TLN2: variants seen among roughly 807,000 people sequenced by gnomAD.
TLN2 encodes the protein talin-2.
TLN2 carries 118 observed loss-of-function variants against 294.7 expected under a neutral mutation model. The ratio of observed to expected loss-of-function variants is 0.40; its 90% CI spans 0.34 to 0.47. The LOEUF is 0.47. Ranked by LOEUF, TLN2 falls within the 20% of genes least tolerant of loss-of-function variation. TLN2 has a pLI of 0.84. For missense variants in TLN2, 3,083 were observed against 3,282.2 expected (o/e 0.94, Z 1.48); for synonymous variants, 1,431 against 1,304.5 (o/e 1.10, Z -2.09).
intron 30 of TLN2, 121 bp from the exon 31 acceptor site, chr15:62,739,227 T>G: frequency 8.7e-7 from 1 of 1,147,628 alleles, no homozygotes; most frequent in Non-Finnish European, 1.2e-6. Flanking sequence ...ACTCAGAGCC[T>G]TTTAATCGTG....
intron 1 of TLN2, among the ~76,000 whole-genome samples, chr15:62,498,504 G>A (rs1476291495): frequency 2.0e-5 from 3 of 152,166 alleles, no homozygotes; most frequent in African/African-American, 7.2e-5. Context: ...GTAGGCAAAA[G>A]TATCTGGATT....
rs922971327 is a variant in TLN2 at position 62,547,369 on chromosome 15, G to A, written c.-237-42318G>A. The stretch of plus-strand genomic sequence containing the variant: ...GGCTACGTTGACATCTTTGTGGCTC[G>A]TATGTGAACACACACACACATTTTG... On this transcript the variant is annotated intron_variant, in intron 1 of 58. Coordinates refer to ENST00000636159, the MANE Select transcript of TLN2 (RefSeq NM_015059.3). Among the ~76,000 whole-genome samples the A allele has an allele frequency of 6.1e-4, 93 of 152,006 alleles. 1 individual carries two copies. The highest frequency in any genetic ancestry group is 2.9e-4 in the African/African-American group (12 of 41,422).
Position 62,712,271 on chromosome 15 carries a change from G to C in TLN2, c.2634+194G>C, listed in dbSNP as rs112447463. On this transcript the variant is annotated intron_variant, in intron 22 of 58. Transcript: ENST00000636159. ...CATCTGAATGAAATGCTTCAGGGAAGTGGTACTGACTCAGCCATAGTAGCA... is the reference window on the plus strand; with the variant it reads ...CATCTGAATGAAATGCTTCAGGGAACTGGTACTGACTCAGCCATAGTAGCA... Among the ~76,000 whole-genome samples the C allele has an allele frequency of 2.0e-5, 3 of 152,344 alleles. 1 individual carries two copies. The highest frequency in any genetic ancestry group is 7.2e-5 in the African/African-American group (3 of 41,586).
chr15:62,792,844 C>A, intron 46 of TLN2, 57 bp downstream of exon 46: 2 of 1,596,146 alleles, frequency 1.3e-6, no homozygotes, highest in Non-Finnish European at 1.7e-6. Context: ...CTCAGTGATC[C>A]GCTGTAATCA....
chr15:62,809,587 T>C (rs1416789049), intron 51 of TLN2, among the ~76,000 whole-genome samples: 1 of 152,230 alleles, frequency 6.6e-6, no homozygotes, highest in Non-Finnish European at 1.5e-5. Flanking sequence ...CTGTAAGCGC[T>C]GATCATGAAT....
intron 34 of TLN2, among the ~76,000 whole-genome samples, chr15:62,751,367 G>T (rs1254491235): frequency 6.6e-6 from 1 of 152,186 alleles, no homozygotes; most frequent in African/African-American, 2.4e-5. Flanking sequence ...GCTAAAACTA[G>T]AATTTCCTCA....
chr15:62,517,124 G>A (rs900538191), intron 1 of TLN2, among the ~76,000 whole-genome samples: 1 of 152,186 alleles, frequency 6.6e-6, no homozygotes, highest in Non-Finnish European at 1.5e-5. Flanking sequence ...CAAGGATGGC[G>A]AGAGGTTGCT....
chr15:62,541,484 G>A (rs1278818330), intron 1 of TLN2, among the ~76,000 whole-genome samples: 2 of 152,158 alleles, frequency 1.3e-5, no homozygotes, highest in Non-Finnish European at 2.9e-5. Context: ...CAAGGACACT[G>A]CCTGTGTATC....
intron 1 of TLN2, among the ~76,000 whole-genome samples, chr15:62,485,576 G>C (rs2038346901): frequency 2.6e-5 from 4 of 152,202 alleles, no homozygotes; most frequent in Admixed American, 2.6e-4. Context: ...GCTTGACCTT[G>C]CTCTGGAATC....
chr15:62,789,252 A>T (rs1160835267), intron 45 of TLN2, among the ~76,000 whole-genome samples: 2 of 152,174 alleles, frequency 1.3e-5, no homozygotes, highest in Non-Finnish European at 2.9e-5. Context: ...CAGTTGCGTG[A>T]CTTGGCACAG....
At chr15:62,512,680 A>G (rs1344236494) in intron 1 of TLN2, among the ~76,000 whole-genome samples, 2 of 152,212 alleles carry the variant, frequency 1.3e-5, no homozygotes, top group Non-Finnish European at 1.5e-5. Flanking sequence ...AAAAAAATTC[A>G]TGGGTTACCC....
At chr15:62,810,121 C>G in intron 52 of TLN2, 89 bp downstream of exon 52, 1 of 1,090,276 alleles carries the variant, frequency 9.2e-7, no homozygotes, top group Admixed American at 1.9e-5. Context: ...TTGGGAAGAC[C>G]TCTCTCAGAG....
intron 26 of TLN2, among the ~76,000 whole-genome samples, chr15:62,724,113 A>T (rs2060304975): frequency 6.6e-6 from 1 of 152,082 alleles, no homozygotes; most frequent in South Asian, 2.1e-4. Flanking sequence ...ATGCCACTGC[A>T]CTCCAACCTG....
At position 62,553,158 on chromosome 15, in the gene TLN2, A is replaced by G. The variant is rs141768743; in HGVS notation, c.-237-36529A>G. 3.0e-3 allele frequency among the ~76,000 whole-genome samples: 452 copies of G among 152,348 alleles called. 2 individuals are homozygous for G. The highest frequency in any genetic ancestry group is 4.9e-3 in the Non-Finnish European group (333 of 68,038). ...ACTGATTTACAGTGCCAGCTTCAGT[A>G]TATCTTTGCTGGCTGGCATTATTTT... On this transcript the variant is annotated intron_variant, in intron 1 of 58. Coordinates refer to ENST00000636159, the MANE Select transcript of TLN2 (RefSeq NM_015059.3).
chr15:62,465,289 C>G (rs1000194278), intron 1 of TLN2, among the ~76,000 whole-genome samples: 1 of 151,878 alleles, frequency 6.6e-6, no homozygotes, highest in African/African-American at 2.4e-5. Context: ...CCCCCCTATC[C>G]CAGCTTGCCA....
intron 9 of TLN2, among the ~76,000 whole-genome samples, chr15:62,667,547 A>G (rs929913605): frequency 6.6e-6 from 1 of 152,150 alleles, no homozygotes; most frequent in Non-Finnish European, 1.5e-5. Flanking sequence ...CTCACAAATG[A>G]GGCGACATCC....
At chr15:62,483,790 A>G (rs556051191) in intron 1 of TLN2, among the ~76,000 whole-genome samples, 36 of 152,326 alleles carry the variant, frequency 2.4e-4, no homozygotes, top group Admixed American at 1.6e-3. Context: ...AAACATTTCA[A>G]TGATAAAAAT....
intron 24 of TLN2, among the ~76,000 whole-genome samples, chr15:62,719,503 A>G (rs898662710): frequency 2.0e-5 from 3 of 152,182 alleles, no homozygotes; most frequent in African/African-American, 7.2e-5. Context: ...TTTAGGCCTC[A>G]TCATAGACAA....
At chr15:62,488,070 C>T (rs549978124) in intron 1 of TLN2, among the ~76,000 whole-genome samples, 1 of 152,084 alleles carries the variant, frequency 6.6e-6, no homozygotes, top group South Asian at 2.1e-4. Flanking sequence ...CAAAGCAAGA[C>T]TCTGTCTCAA....
Sources: gnomAD v4.1 joint callset for allele counts (sites outside exome capture counted in the v4.1 genomes callset) on GRCh38, gnomAD v4.1.1 for gene constraint, MANE v1.5 for transcripts, NCBI Gene and HGNC (gene_info 2026-07-23, HGNC 2026-07-21) for gene names.